PHF21B: variants seen among roughly 807,000 people sequenced by gnomAD.
PHF21B encodes PHD finger protein 21B, also known as PHD finger protein 4.
PHF21B carries 22 observed loss-of-function variants against 62.2 expected under a neutral mutation model. The ratio of observed to expected loss-of-function variants is 0.35; its 90% CI spans 0.25 to 0.51. PHF21B has a LOEUF of 0.51. PHF21B is among the 20% of genes least tolerant of loss of function. The pLI, the probability that PHF21B is intolerant of heterozygous loss-of-function variation, is 0.97. For missense variants in PHF21B, 701 were observed against 707.9 expected (o/e 0.99, Z 0.11); for synonymous variants, 341 against 314.7 (o/e 1.08, Z -0.88).
At chr22:44,998,262 G>A (rs2073154411) in intron 2 of PHF21B, among the ~76,000 whole-genome samples, 1 of 152,214 alleles carries the variant, frequency 6.6e-6, no homozygotes, top group African/African-American at 2.4e-5. Context: ...TGGCAGTCCT[G>A]TTGTCCACAA....
At chr22:44,912,178 C>G in intron 5 of PHF21B, among the ~76,000 whole-genome samples, 1 of 152,226 alleles carries the variant, frequency 6.6e-6, no homozygotes, top group Non-Finnish European at 1.5e-5. Context: ...AACTAATTTG[C>G]TTTGATTTTA....
chr22:45,008,673 G>C (rs2073371307), intron 1 of PHF21B, 63 bp from the exon 2 acceptor site: 38 of 1,308,022 alleles, frequency 2.9e-5, no homozygotes, highest in Non-Finnish European at 3.4e-5. Context: ...CCCCAGCACC[G>C]CGGGCCGCGG....
chr22:44,922,101 T>G (rs928001402), intron 2 of PHF21B, among the ~76,000 whole-genome samples: 9 of 152,178 alleles, frequency 5.9e-5, no homozygotes, highest in African/African-American at 1.7e-4. Context: ...ATGCAGAAAT[T>G]CTTAACAGAA....
intron 2 of PHF21B, among the ~76,000 whole-genome samples, chr22:44,953,509 A>T (rs2072234456): frequency 1.3e-5 from 2 of 151,864 alleles, no homozygotes; most frequent in Admixed American, 1.3e-4. Context: ...TGCTTGCAAC[A>T]CCATCTCTGC....
chr22:44,965,324 C>G (rs2072503841), intron 2 of PHF21B, among the ~76,000 whole-genome samples: 1 of 152,058 alleles, frequency 6.6e-6, no homozygotes, highest in Non-Finnish European at 1.5e-5. Context: ...GCACAGCCCT[C>G]AGATGTGGGT....
rs2071431271 is a variant in PHF21B, at chr22:44,916,320, C to T, written c.524G>A (p.Ser175Asn). 1 of 1,597,694 alleles carries T rather than the reference C, an allele frequency of 6.3e-7. No homozygotes were observed. Among genetic ancestry groups the T allele is most frequent in the African/African-American group, 1.4e-5 (1 of 74,030 alleles). ...GATGAGGAGGGGCTGGACTTTGATG[C>T]TGTCACTGACCACAGACACGGCGGT... is the stretch of plus-strand genomic sequence containing the variant. Reference protein sequence around the residue: ...PSTAVSVVSDSIKVQPLLISA... With the variant: ...PSTAVSVVSDNIKVQPLLISA... Residue 175 changes from serine (S) to asparagine (N), a missense_variant, in exon 4 of 13, where the codon AGC becomes AAC. By Grantham distance (46) the Ser-to-Asn change is conservative (BLOSUM62 1). Coordinates refer to ENST00000313237, the MANE Select transcript of PHF21B (RefSeq NM_138415.5).
intron 2 of PHF21B, among the ~76,000 whole-genome samples, chr22:44,956,242 G>A (rs1569253122): frequency 6.6e-6 from 1 of 152,202 alleles, no homozygotes; most frequent in Non-Finnish European, 1.5e-5. Context: ...TTTGCCTGGG[G>A]GAGAAGCTGA....
At chr22:44,977,694 T>C (rs1489378487) in intron 2 of PHF21B, among the ~76,000 whole-genome samples, 2 of 151,302 alleles carry the variant, frequency 1.3e-5, no homozygotes, top group African/African-American at 2.4e-5. Flanking sequence ...TCTTCTCACC[T>C]CAGCCTCTAG....
At chr22:44,934,221 C>T (rs377116564) in intron 2 of PHF21B, among the ~76,000 whole-genome samples, 2 of 152,286 alleles carry the variant, frequency 1.3e-5, no homozygotes, top group African/African-American at 4.8e-5. Context: ...TCTCAGGTGC[C>T]GCTGGCCCTC....
chr22:44,895,292 A>G (rs1337313229), intron 6 of PHF21B, among the ~76,000 whole-genome samples: 3 of 152,048 alleles, frequency 2.0e-5, no homozygotes, highest in Non-Finnish European at 4.4e-5. Flanking sequence ...CCCAGGCCCT[A>G]AGATTCTAGG....
At chr22:44,944,793 C>G in intron 2 of PHF21B, among the ~76,000 whole-genome samples, 1 of 142,684 alleles carries the variant, frequency 7.0e-6, no homozygotes, top group Middle Eastern at 3.6e-3. Flanking sequence ...AGGAAGAAAC[C>G]CTTTGCCCAG....
intron 2 of PHF21B, among the ~76,000 whole-genome samples, chr22:44,995,926 C>T (rs1393526366): frequency 3.9e-5 from 6 of 152,012 alleles, no homozygotes; most frequent in East Asian, 1.9e-4. Context: ...GAGGGCACAG[C>T]GGAGGGGACG....
chr22:44,884,048 C>CACCACCATG (rs2070788313), intron 12 of PHF21B, among the ~76,000 whole-genome samples: 1 of 21,940 alleles, frequency 4.6e-5, no homozygotes, highest in African/African-American at 3.0e-4. Flanking sequence ...TCAGCACCAC[C>CACCACCATG]ACCACCATCA....
intron 12 of PHF21B, 39 bp downstream of exon 12, chr22:44,885,387 C>G: frequency 6.5e-7 from 1 of 1,529,422 alleles, no homozygotes; most frequent in Non-Finnish European, 8.8e-7. Flanking sequence ...GGCACACCTG[C>G]AGGGCTGAGG....
chr22:44,932,626 G>A (rs868422982), intron 2 of PHF21B, among the ~76,000 whole-genome samples: 6 of 152,236 alleles, frequency 3.9e-5, no homozygotes, highest in South Asian at 4.1e-4. Flanking sequence ...CCCCACCTCC[G>A]ACGGCCTGGG....
At chr22:44,982,712 A>T (rs2072865088) in intron 2 of PHF21B, among the ~76,000 whole-genome samples, 1 of 152,214 alleles carries the variant, frequency 6.6e-6, no homozygotes, top group Non-Finnish European at 1.5e-5. Flanking sequence ...ATTTGTAACA[A>T]GGTTTACAGA....
chr22:44,908,927 A>G (rs918691530), intron 5 of PHF21B, among the ~76,000 whole-genome samples: 2 of 152,134 alleles, frequency 1.3e-5, no homozygotes, highest in East Asian at 3.9e-4. Context: ...CCTCCCAAGT[A>G]GCTGGGATTA....
chr22:44,889,852 C>T, intron 8 of PHF21B, 70 bp from the exon 9 acceptor site: 1 of 1,430,226 alleles, frequency 7.0e-7, no homozygotes, highest in African/African-American at 1.5e-5. Context: ...GACTGGAGTC[C>T]ATGAGGCCTC....
At chr22:44,917,024 C>T (rs1362666882) in intron 3 of PHF21B, among the ~76,000 whole-genome samples, 6 of 152,232 alleles carry the variant, frequency 3.9e-5, no homozygotes, top group African/African-American at 9.6e-5. Flanking sequence ...CGCTGCCCCT[C>T]GGCAGGGACT....
Sources: gnomAD v4.1 joint callset for allele counts (sites outside exome capture counted in the v4.1 genomes callset) on GRCh38, gnomAD v4.1.1 for gene constraint, MANE v1.5 for transcripts, NCBI Gene and HGNC (gene_info 2026-07-23, HGNC 2026-07-21) for gene names.